The following TNIP3 variants were observed in gnomAD, a reference collection of about 807,000 sequenced individuals.
TNIP3 encodes the protein TNFAIP3 interacting protein 3.
A neutral mutation model predicts 54.1 loss-of-function variants in TNIP3; 34 were observed. The observed-to-expected ratio is 0.63, with a 90% CI of 0.48 to 0.84. The LOEUF is 0.84. TNIP3 is among the 40% of genes least tolerant of loss of function. The pLI, the probability that TNIP3 is intolerant of heterozygous loss-of-function variation, is 0.00. For synonymous variants in TNIP3, 134 were observed against 136.8 expected (o/e 0.98, Z 0.14); for missense variants, 366 against 387.6 (o/e 0.94, Z 0.47).
chr4:121,164,720 A>C (rs936018753), upstream of TNIP3, among the ~76,000 whole-genome samples: 1 of 152,224 alleles, frequency 6.6e-6, no homozygotes, highest in African/African-American at 2.4e-5. Context: ...AGTGCCACTA[A>C]TTCTTATAGA....
At chr4:121,174,137 A>G (rs1343618920) in intron 3 of TNIP3, among the ~76,000 whole-genome samples, 1 of 152,212 alleles carries the variant, frequency 6.6e-6, no homozygotes, top group East Asian at 1.9e-4. Context: ...TGTCCAGATT[A>G]GCTTGGATAC....
chr4:121,188,320 A>G (rs190815868), intron 2 of TNIP3, among the ~76,000 whole-genome samples: 2 of 151,572 alleles, frequency 1.3e-5, no homozygotes, highest in South Asian at 2.1e-4. Context: ...AAAAAAAAAA[A>G]CTCTCCCCTA....
chr4:121,157,034 C>T (rs564534437), intron 4 of TNIP3, 60 bp downstream of exon 4: 2 of 1,599,892 alleles, frequency 1.3e-6, no homozygotes, highest in South Asian at 2.2e-5. Flanking sequence ...TACAGGAAAT[C>T]CCCCCGCCCC....
intron 2 of TNIP3, among the ~76,000 whole-genome samples, chr4:121,187,553 TG>T (rs1725086010): frequency 6.6e-6 from 1 of 152,234 alleles, no homozygotes; most frequent in Non-Finnish European, 1.5e-5. Context: ...AGAAGGACCA[TG>T]GAGGGCTATG....
At chr4:121,205,989 G>C (rs981865636) in intron 2 of TNIP3, among the ~76,000 whole-genome samples, 1 of 152,068 alleles carries the variant, frequency 6.6e-6, no homozygotes, top group African/African-American at 2.4e-5. Context: ...CGAGTAAAGG[G>C]GGAAGTCCCC....
chr4:121,174,200 A>G (rs888794961), intron 3 of TNIP3, among the ~76,000 whole-genome samples: 3 of 152,184 alleles, frequency 2.0e-5, no homozygotes, highest in Non-Finnish European at 4.4e-5. Flanking sequence ...TCAACACCGT[A>G]TCTATAGATT....
intron 3 of TNIP3, among the ~76,000 whole-genome samples, chr4:121,171,887 C>G (rs144241693): frequency 0.012 from 1,771 of 152,216 alleles, 31 homozygotes; most frequent in African/African-American, 0.04. Flanking sequence ...TGAACCACCA[C>G]GCCTGGCTAA....
chr4:121,227,100 C>T (rs1165855613), intron 1 of TNIP3, among the ~76,000 whole-genome samples: 2 of 152,074 alleles, frequency 1.3e-5, no homozygotes, highest in Admixed American at 1.3e-4. Context: ...ATTTCCAAAG[C>T]TTATTTTATC....
rs185273975 is a variant in TNIP3, at chr4:121,143,226, A to G, written c.736-450T>C. ...TGATACTTAATACTATCTCAATTTT[A>G]TAGATGAGAACACTAAGACATAAGA... On this transcript the variant is annotated intron_variant, in intron 7 of 10. Coordinates refer to ENST00000057513, the MANE Select transcript of TNIP3 (RefSeq NM_024873.6). Among the ~76,000 whole-genome samples, 434 of 152,346 alleles carry G rather than the reference A, an allele frequency of 2.8e-3. 4 individuals carry two copies. The highest frequency in any genetic ancestry group is 9.9e-3 in the African/African-American group (413 of 41,574).
At chr4:121,172,098 G>A (rs1723998336) in intron 3 of TNIP3, among the ~76,000 whole-genome samples, 1 of 152,174 alleles carries the variant, frequency 6.6e-6, no homozygotes, top group Non-Finnish European at 1.5e-5. Context: ...ACATCAAAGA[G>A]CAGAGTCAGC....
chr4:121,227,394 T>G (rs756227751), exon 1 of TNIP3: 17 of 1,535,300 alleles, frequency 1.1e-5, no homozygotes, highest in Non-Finnish European at 1.5e-5. Context: ...CCATGTTCTA[T>G]CCTGAAAGTC....
At chr4:121,180,059 C>T (rs973232879) in intron 3 of TNIP3, among the ~76,000 whole-genome samples, 29 of 151,580 alleles carry the variant, frequency 1.9e-4, no homozygotes, top group African/African-American at 7.0e-4. Context: ...AAGGAGAGAC[C>T]AGAGAAAAAA....
chr4:121,189,837 C>T (rs190317504), intron 2 of TNIP3, among the ~76,000 whole-genome samples: 5 of 152,274 alleles, frequency 3.3e-5, no homozygotes, highest in African/African-American at 1.2e-4. Flanking sequence ...TGTTGTTGCC[C>T]TCAATCTGCA....
chr4:121,195,664 T>C (rs1725536699), intron 2 of TNIP3, among the ~76,000 whole-genome samples: 1 of 152,230 alleles, frequency 6.6e-6, no homozygotes, highest in African/African-American at 2.4e-5. Flanking sequence ...ATCCTCTTTA[T>C]ATGATTGACA....
chr4:121,184,624 T>G (rs1274765282), intron 2 of TNIP3, among the ~76,000 whole-genome samples: 1 of 152,198 alleles, frequency 6.6e-6, no homozygotes, highest in Non-Finnish European at 1.5e-5. Flanking sequence ...ACACTCCATG[T>G]CATTATAATG....
chr4:121,185,958 G>A (rs984152840), intron 2 of TNIP3, among the ~76,000 whole-genome samples: 2 of 152,230 alleles, frequency 1.3e-5, no homozygotes, highest in Admixed American at 6.5e-5. Flanking sequence ...TTAGAAGCCA[G>A]CAGTTACTGT....
chr4:121,220,778 C>T (rs1292507860), upstream of TNIP3, among the ~76,000 whole-genome samples: 6 of 152,204 alleles, frequency 3.9e-5, no homozygotes, highest in East Asian at 9.7e-4. Context: ...GAGCATTCAG[C>T]GTGCCTTAAG....
At chr4:121,200,858 A>G (rs1399571089) in intron 2 of TNIP3, among the ~76,000 whole-genome samples, 1 of 152,214 alleles carries the variant, frequency 6.6e-6, no homozygotes, top group Non-Finnish European at 1.5e-5. Flanking sequence ...TAAGAGAACA[A>G]ACAAAACTGT....
At chr4:121,136,367 A>T (rs1189223929) in intron 10 of TNIP3, among the ~76,000 whole-genome samples, 1 of 152,214 alleles carries the variant, frequency 6.6e-6, no homozygotes, top group Non-Finnish European at 1.5e-5. Flanking sequence ...GGGGCACTGT[A>T]CTATATAATT....
Sources: allele counts gnomAD v4.1 joint callset (sites outside exome capture counted in the v4.1 genomes callset), GRCh38; gene constraint gnomAD v4.1.1; transcripts MANE v1.5; gene names NCBI Gene and HGNC (gene_info 2026-07-23, HGNC 2026-07-21).